Variants in GPT2 observed in about 807,000 individuals in gnomAD.
The protein encoded by GPT2 is alanine aminotransferase 2.
In GPT2, 30 loss-of-function variants were observed where a neutral mutation model predicts 56.9. The ratio of observed to expected loss-of-function variants is 0.53; its 90% CI spans 0.39 to 0.72. The LOEUF is 0.72. Ranked by LOEUF, GPT2 falls within the 30% of genes least tolerant of loss-of-function variation. The pLI, the probability that GPT2 is intolerant of heterozygous loss-of-function variation, is 0.00. For missense variants in GPT2, 542 were observed against 703.4 expected (o/e 0.77, Z 2.60); for synonymous variants, 271 against 283.1 (o/e 0.96, Z 0.43).
At position 46,918,605 on chromosome 16, in the gene GPT2, TGCCGTGCCC is replaced by T. The variant is rs751829387; in HGVS notation, c.901-15_901-7del. The T allele has an allele frequency of 1.2e-6, 2 of 1,613,690 alleles. No homozygotes were observed. Among genetic ancestry groups the T allele is most frequent in the South Asian group, 2.2e-5 (2 of 91,038 alleles). On this transcript the variant is annotated splice_polypyrimidine_tract_variant and splice_region_variant and intron_variant, in intron 7 of 11. Transcript: ENST00000340124. ...TTGAGGACCCTTTGGTGACCGTCCCTGCCGTGCCCCCGCAGGTGTACCAGGACAACGTGT... is the reference window on the plus strand; with the variant it reads ...TTGAGGACCCTTTGGTGACCGTCCCTCCGCAGGTGTACCAGGACAACGTGT...
At chr16:46,894,091 C>A (rs1960638951) in intron 2 of GPT2, among the ~76,000 whole-genome samples, 1 of 152,190 alleles carries the variant, frequency 6.6e-6, no homozygotes, top group Non-Finnish European at 1.5e-5. Context: ...AGTGTCCTGA[C>A]CCCCAGCTCA....
chr16:46,886,967 C>T (rs563291777), intron 2 of GPT2, among the ~76,000 whole-genome samples: 1 of 152,302 alleles, frequency 6.6e-6, no homozygotes, highest in East Asian at 1.9e-4. Flanking sequence ...CTCAGTTCCC[C>T]GGCTGTGGGT....
intron 2 of GPT2, among the ~76,000 whole-genome samples, chr16:46,892,222 G>A (rs1288372692): frequency 6.6e-6 from 1 of 152,058 alleles, no homozygotes; most frequent in East Asian, 1.9e-4. Context: ...ACTTCACATA[G>A]TGTCCTCCAG....
chr16:46,920,755 T>C (rs143869067), intron 8 of GPT2, among the ~76,000 whole-genome samples: 9 of 152,300 alleles, frequency 5.9e-5, no homozygotes, highest in African/African-American at 2.2e-4. Context: ...GTCTACCCTG[T>C]AGCAGTTCTG....
At chr16:46,907,509 G>A (rs1960955859) in intron 5 of GPT2, among the ~76,000 whole-genome samples, 1 of 152,248 alleles carries the variant, frequency 6.6e-6, no homozygotes, top group Admixed American at 6.5e-5. Context: ...ACCGACCTGA[G>A]GGACACACAG....
At chr16:46,891,087 G>T (rs1242181116) in intron 2 of GPT2, among the ~76,000 whole-genome samples, 1 of 151,878 alleles carries the variant, frequency 6.6e-6, no homozygotes, top group African/African-American at 2.4e-5. Context: ...TAGTCAGGCG[G>T]GTCTCGACCT....
At chr16:46,891,582 C>A (rs1960585736) in intron 2 of GPT2, among the ~76,000 whole-genome samples, 1 of 152,074 alleles carries the variant, frequency 6.6e-6, no homozygotes, top group Non-Finnish European at 1.5e-5. Flanking sequence ...ATTTCCTGAC[C>A]TTGTGATCCG....
intron 2 of GPT2, among the ~76,000 whole-genome samples, chr16:46,895,159 T>G (rs1960663334): frequency 6.6e-6 from 1 of 152,142 alleles, no homozygotes; most frequent in South Asian, 2.1e-4. Flanking sequence ...GGTGGCACAC[T>G]AGGGCCAGAA....
At position 46,915,125 on chromosome 16, in the gene GPT2, G is replaced by A. The variant is rs183096295; in HGVS notation, c.821-1503G>A. 1.4e-3 allele frequency among the ~76,000 whole-genome samples: 214 copies of A among 151,868 alleles called. 3 individuals are homozygous for A. Among genetic ancestry groups the A allele is most frequent in the South Asian group, 4.6e-3 (22 of 4,806 alleles). ...TGAGGTGTTGCTGTGTTGCCCATGC[G>A]GTCTGGAACTCCTGGGCTCAAGCGG... On this transcript the variant is annotated intron_variant, in intron 6 of 11. Transcript: ENST00000340124.
At chr16:46,894,291 GCTGTGTGTTGGTTCCTGGGCCTCACAA>G (rs1047269945) in intron 2 of GPT2, among the ~76,000 whole-genome samples, 20 of 152,208 alleles carry the variant, frequency 1.3e-4, no homozygotes, top group Non-Finnish European at 2.8e-4. Context: ...AGGGCCCACA[GCTGTGTGTTGGTTCCTGGGCCTCACAA>G]CTGTGACAGA....
chr16:46,901,146 G>A (rs77656409), intron 4 of GPT2, among the ~76,000 whole-genome samples: 1,828 of 152,324 alleles, frequency 0.012, 22 homozygotes, highest in Non-Finnish European at 0.02. Context: ...GTTTTGTTCA[G>A]CATCCTTGCC....
intron 8 of GPT2, among the ~76,000 whole-genome samples, chr16:46,920,526 G>A (rs562522552): frequency 6.6e-6 from 1 of 152,356 alleles, no homozygotes; most frequent in East Asian, 1.9e-4. Context: ...GAGACCAGTG[G>A]GTTTGCAGCA....
At chr16:46,916,380 G>A (rs997120337) in intron 6 of GPT2, 11 of 408,722 alleles carry the variant, frequency 2.7e-5, no homozygotes, top group Admixed American at 1.5e-4. Context: ...AGAGAGCCAG[G>A]TGAGAACCCC....
intron 9 of GPT2, chr16:46,924,033 C>T (rs552929906): frequency 1.1e-5 from 4 of 367,026 alleles, no homozygotes; most frequent in East Asian, 7.0e-5. Flanking sequence ...CCCCAGGGCA[C>T]GTGGCAGCCT....
At chr16:46,902,946 A>G (rs1208367595) in intron 4 of GPT2, among the ~76,000 whole-genome samples, 1 of 151,842 alleles carries the variant, frequency 6.6e-6, no homozygotes, top group East Asian at 2.0e-4. Context: ...TTTTTATCAT[A>G]CCCTTTAAAA....
intron 10 of GPT2, among the ~76,000 whole-genome samples, chr16:46,924,809 G>A (rs1023988371): frequency 1.3e-5 from 2 of 152,236 alleles, no homozygotes; most frequent in Admixed American, 6.5e-5. Flanking sequence ...TCCCAAGGGC[G>A]GTGCCCAGGT....
At chr16:46,911,442 G>A (rs1961045126) in intron 6 of GPT2, among the ~76,000 whole-genome samples, 1 of 152,188 alleles carries the variant, frequency 6.6e-6, no homozygotes, top group African/African-American at 2.4e-5. Flanking sequence ...CAGAAAATGG[G>A]TGCAGCTGGC....
chr16:46,898,878 A>G (rs1235169898), intron 3 of GPT2, among the ~76,000 whole-genome samples: 1 of 146,868 alleles, frequency 6.8e-6, no homozygotes. Flanking sequence ...ATACATATAT[A>G]TATATATATA....
chr16:46,921,302 T>C (rs1961281447), intron 8 of GPT2, among the ~76,000 whole-genome samples: 1 of 152,180 alleles, frequency 6.6e-6, no homozygotes, highest in Non-Finnish European at 1.5e-5. Flanking sequence ...GCCTCCCAAG[T>C]AGCTAGGATT....
Sources: gnomAD v4.1 joint callset for allele counts (sites outside exome capture counted in the v4.1 genomes callset) on GRCh38, gnomAD v4.1.1 for gene constraint, MANE v1.5 for transcripts, NCBI Gene and HGNC (gene_info 2026-07-23, HGNC 2026-07-21) for gene names.